ABCA7: variants seen among roughly 807,000 people sequenced by gnomAD.
ABCA7 encodes ATP binding cassette subfamily A member 7, also known as phospholipid-transporting ATPase ABCA7.
A neutral mutation model predicts 227.6 loss-of-function variants in ABCA7; 261 were observed. The observed-to-expected ratio is 1.15, with a 90% CI of 1.04 to 1.27. The LOEUF (loss-of-function observed/expected upper bound fraction) is 1.27, where lower values mean the gene tolerates loss of function less well. Ranked by LOEUF, ABCA7 falls within the 50% of genes most tolerant of loss-of-function variation. The pLI, the probability that ABCA7 is intolerant of heterozygous loss-of-function variation, is 0.00. For synonymous variants in ABCA7, 1,488 were observed against 1,279.7 expected, an observed-to-expected ratio of 1.16 and a Z score of -3.47; for missense variants, 3,331 against 2,924.5, an observed-to-expected ratio of 1.14 and a Z score of -3.21.
rs756879784 is a variant in ABCA7, at chr19:1,065,460, G to A, written c.*35G>A. The A allele has an allele frequency of 9.3e-6, 15 of 1,609,680 alleles. No homozygotes were observed. The African/African-American group carries it at 2.0e-4, about 21-fold the overall frequency. ...CCCTGCGGGGCCGCGGGGAGGCCCT[G>A]GGAATGGCAAGGGCAAGGTAGAGTG... is the stretch of plus-strand genomic sequence containing the variant. On this transcript the variant is annotated 3_prime_UTR_variant, in exon 47 of 47. Coordinates refer to ENST00000263094, the MANE Select transcript of ABCA7 (RefSeq NM_019112.4).
intron 30 of ABCA7, 39 bp from the exon 31 acceptor site, chr19:1,055,868 A>T: frequency 6.5e-7 from 1 of 1,540,146 alleles, no homozygotes; most frequent in Non-Finnish European, 8.8e-7. Context: ...TCTGTCCCAC[A>T]TCCCTGTCTG....
chr19:1,043,503 GGGTGGTGGCCAGAGCCCATCCA>G, intron 9 of ABCA7, 30 bp downstream of exon 9: 1 of 1,613,020 alleles, frequency 6.2e-7, no homozygotes. Context: ...TGGGGTGGGA[GGGTGGTGGCCAGAGCCCATCCA>G]GTACCCTCAG....
chr19:1,044,477 A>G (rs1460116557), intron 10 of ABCA7, 100 bp from the exon 11 acceptor site: 1 of 1,404,230 alleles, frequency 7.1e-7, no homozygotes, highest in Non-Finnish European at 9.6e-7. Context: ...CGAACTCCTG[A>G]CCTCAGGTGA....
chr19:1,065,004 G>T lies in ABCA7; in HGVS notation c.6118G>T (p.Ala2040Ser). The T allele has an allele frequency of 5.1e-6, 8 of 1,556,542 alleles. No individual in the cohort carries two copies. Among genetic ancestry groups the T allele is most frequent in the Non-Finnish European group, 6.9e-6 (8 of 1,151,948 alleles). Residue 2040 changes from alanine (A) to serine (S), a missense_variant, in exon 46 of 47, where the codon GCC (alanine) becomes TCC (serine). Ala to Ser is a moderately conservative substitution (Grantham distance 99, BLOSUM62 1). Transcript: ENST00000263094. ...CCAGCCGGCAGCGGCCTTCGTGGCG[G>T]CCGAGTTCCCTGGGGCGGAGCTGCG... Reference protein sequence around the residue: ...RSQPAAAFVAAEFPGAELREA... With the variant: ...RSQPAAAFVASEFPGAELREA...
chr19:1,057,501 T>A, intron 35 of ABCA7, 72 bp downstream of exon 35: 1 of 1,423,372 alleles, frequency 7.0e-7, no homozygotes, highest in South Asian at 1.2e-5. Flanking sequence ...GCTGCTGAGA[T>A]AGAACTCTGC....
rs956368456 is a variant in ABCA7, at chr19:1,047,590, C to G, written c.2205C>G (p.Gly735=). The G allele has an allele frequency of 2.3e-5, 37 of 1,603,414 alleles. No individual in the cohort carries two copies. The highest frequency in any genetic ancestry group is 3.1e-5 in the Non-Finnish European group (37 of 1,179,334). Reference sequence around the variant, plus strand: ...TCTTCAGCCTGGCCCAGGTCTCTGGCCTTCTGCTGCTGGACGCGGCGCTCT... The same window carrying G: ...TCTTCAGCCTGGCCCAGGTCTCTGGGCTTCTGCTGCTGGACGCGGCGCTCT... ...ADVFSLAQVS[G]LLLLDAALYG... is the part of the protein sequence containing the mutation. The change falls in exon 16 of 47, where the codon GGC becomes GGG. Residue 735 remains glycine (G), a synonymous_variant. Coordinates refer to ENST00000263094, the MANE Select transcript of ABCA7 (RefSeq NM_019112.4).
intron 42 of ABCA7, 96 bp from the exon 43 acceptor site, chr19:1,063,448 C>G: frequency 6.6e-7 from 1 of 1,509,348 alleles, no homozygotes; most frequent in South Asian, 1.2e-5. Context: ...CCCATTATGC[C>G]CCTGCTCCAC....
At position 1,046,797 on chromosome 19, in the gene ABCA7, C is replaced by A. The variant is rs749522546; in HGVS notation, c.1623-5C>A. The A allele has an allele frequency of 7.8e-6, 12 of 1,536,474 alleles. No homozygotes were observed. The African/African-American group carries it at 1.6e-4, about 21-fold the overall frequency. ...CAGCCTCCACCCCAGCCGTCCCCAC[C>A]CCAGGTTCCTGCGTGTGCTGAGCCG... On this transcript the variant is annotated splice_polypyrimidine_tract_variant and splice_region_variant and intron_variant, in intron 13 of 46. Coordinates refer to ENST00000263094, the MANE Select transcript of ABCA7 (RefSeq NM_019112.4).
Position 1,050,782 on chromosome 19 carries a change from AAATAATAATAAT to A in ABCA7, c.2553-112_2553-101del, listed in dbSNP as rs145363837. The stretch of plus-strand genomic sequence containing the variant: ...GCAACAGAGTGAAACTCCGTCTCAA[AAATAATAATAAT>A]AATAATAATAATAATAATAATAATA... On this transcript the variant is annotated intron_variant, in intron 18 of 46. Coordinates refer to ENST00000263094, the MANE Select transcript of ABCA7 (RefSeq NM_019112.4). 7.8e-3 allele frequency: 2,788 copies of A among 358,944 alleles called. 58 individuals carry two copies. Among genetic ancestry groups the A allele is most frequent in the African/African-American group, 0.056 (2,375 of 42,730 alleles). The allele number at this position is 358,944 out of a possible 1,614,324, so 22.2% of individuals were successfully genotyped here.
At chr19:1,045,955 C>T (rs1460717004) in intron 12 of ABCA7, among the ~76,000 whole-genome samples, 1 of 151,548 alleles carries the variant, frequency 6.6e-6, no homozygotes, top group Non-Finnish European at 1.5e-5. Context: ...TGCAGTGAGC[C>T]GAGATGGCGC....
chr19:1,065,410 C>G lies in ABCA7; in HGVS notation c.6426C>G (p.Ala2142=), dbSNP rs138839714. ...AGTTCCTCGATGACCCTAGCACTGC[C>G]GAGACTGTGCTCTGAGCCTCCCTCC... ...VSQFLDDPST[A]ETVL Residue 2142 remains alanine (A), a synonymous_variant, in exon 47 of 47, where the codon GCC becomes GCG. Coordinates refer to ENST00000263094, the MANE Select transcript of ABCA7 (RefSeq NM_019112.4). The G allele has an allele frequency of 2.5e-6, 4 of 1,613,326 alleles. No individual in the cohort carries two copies. The highest frequency in any genetic ancestry group is 3.4e-6 in the Non-Finnish European group (4 of 1,179,908).
At position 1,058,059 on chromosome 19, in the gene ABCA7, G is replaced by A. The variant is rs1027667257; in HGVS notation, c.5025G>A (p.Gln1675=). ...TTGTGCTTGAGCTCTTCTCTGATCA[G>A]GTGGGGCACCACGAGGCTGGGGCTT... is the stretch of plus-strand genomic sequence containing the variant. ...ATFVLELFSD[Q]KLQEVSRILK... Residue 1675 remains glutamine (Q), a splice_region_variant and synonymous_variant, in exon 36 of 47, where the codon CAG becomes CAA. Coordinates refer to ENST00000263094, the MANE Select transcript of ABCA7 (RefSeq NM_019112.4). 8 of 1,614,008 alleles carry A rather than the reference G, an allele frequency of 5.0e-6. No homozygotes were observed. The African/African-American group carries it at 6.7e-5, about 13-fold the overall frequency.
At chr19:1,049,166 C>T (rs4147913) in intron 17 of ABCA7, 100 bp from the exon 18 acceptor site, 438,927 of 1,399,332 alleles carry the variant, frequency 0.31, 73,927 homozygotes, top group East Asian at 0.72. Flanking sequence ...TTTATAGGCC[C>T]CGGCCCAGCA....
rs77403558 is a variant in ABCA7, at chr19:1,043,396, A to T, written c.853A>T (p.Arg285Ter). Residue 285 changes from arginine to a stop codon, truncating the protein, a stop_gained, in exon 9 of 47, where the codon AGA (arginine) becomes TGA (stop). Coordinates refer to ENST00000263094, the MANE Select transcript of ABCA7 (RefSeq NM_019112.4). LOFTEE classifies it high-confidence loss of function. ...CCACCCGCTGTCCCGCCTGCTCTGG[A>T]GACGCCTGAAGCCTCTGATCCTCGG... ...DSHPLSRLLW[R>*]RLKPLILGKL... 6.5e-5 allele frequency: 105 copies of T among 1,613,294 alleles called. No homozygotes were observed. The African/African-American group carries it at 1.3e-3, about 20-fold the overall frequency.
intron 46 of ABCA7, 47 bp downstream of exon 46, chr19:1,065,218 A>G (rs1193154979): frequency 6.2e-7 from 1 of 1,603,966 alleles, no homozygotes; most frequent in Non-Finnish European, 8.5e-7. Flanking sequence ...GCTGGGGGCC[A>G]GGCCCGTGGG....
Position 1,041,290 on chromosome 19 carries a change from G to T in ABCA7, c.-72G>T, listed in dbSNP as rs1028430578. Reference sequence around the variant, plus strand: ...TTCAGAAAGGGGCAGGGAGTTGCCCGCAGCCGCACCGCACGTCTTCAGCCC... The same window carrying T: ...TTCAGAAAGGGGCAGGGAGTTGCCCTCAGCCGCACCGCACGTCTTCAGCCC... On this transcript the variant is annotated 5_prime_UTR_variant, in exon 2 of 47. Transcript: ENST00000263094. The T allele has an allele frequency of 1.5e-4, 231 of 1,492,258 alleles. No individual in the cohort carries two copies. Among genetic ancestry groups the T allele is most frequent in the Non-Finnish European group, 2.1e-4 (221 of 1,072,126 alleles). The allele number at this position is 1,492,258 out of a possible 1,614,324, so 92.4% of individuals were successfully genotyped here. A position where few individuals can be genotyped will look rare whatever the true frequency, so the allele number is the denominator to read the frequency against.
chr19:1,044,304 G>A (rs4147907), intron 10 of ABCA7, among the ~76,000 whole-genome samples: 4,257 of 142,910 alleles, frequency 0.03, 108 homozygotes, highest in East Asian at 0.091. Flanking sequence ...CTGGACTGCA[G>A]TGGCGAGATC....
intron 40 of ABCA7, among the ~76,000 whole-genome samples, chr19:1,060,207 A>ATATATATATATATATATTTTTTTTTTT: frequency 1.0e-5 from 1 of 96,770 alleles, no homozygotes; most frequent in African/African-American, 3.5e-5. Context: ...ATATATATAT[A>ATATATATATATATATATTTTTTTTTTT]TTTTTTTTTC....
In ABCA7 at chr19:1,049,402, C is replaced by G. The variant is rs747833331; in HGVS notation, c.2517C>G (p.Phe839Leu). 2 of 1,610,032 alleles carry G rather than the reference C, an allele frequency of 1.2e-6. No individual in the cohort carries two copies. The highest frequency in any genetic ancestry group is 1.3e-5 in the African/African-American group (1 of 74,808). Residue 839 changes from phenylalanine to leucine, a missense_variant, in exon 18 of 47, where the codon TTC becomes TTG. Physicochemically the swap from Phe to Leu is conservative, Grantham distance 22 (BLOSUM62 0). Transcript: ENST00000263094. ...TCTACCAGGGCCACATCACCGCCTTCCTGGGCCACAACGGGGCCGGCAAGA... is the reference window on the plus strand; with the variant it reads ...TCTACCAGGGCCACATCACCGCCTTGCTGGGCCACAACGGGGCCGGCAAGA... ...LDFYQGHITA[F>L]LGHNGAGKTT...
Sources: gnomAD v4.1 joint callset for allele counts (sites outside exome capture counted in the v4.1 genomes callset) on GRCh38, gnomAD v4.1.1 for gene constraint, MANE v1.5 for transcripts, NCBI Gene and HGNC (gene_info 2026-07-23, HGNC 2026-07-21) for gene names.